Variants in CERS6 observed in about 807,000 individuals in gnomAD.
CERS6 encodes ceramide synthase 6.
In CERS6, 26 loss-of-function variants were observed where a neutral mutation model predicts 56.8. The observed-to-expected ratio is 0.46, with a 90% CI of 0.34 to 0.63. The LOEUF (loss-of-function observed/expected upper bound fraction) is 0.63. Among genes scored for constraint, CERS6 ranks in the 30% least tolerant of loss-of-function variants. The pLI is 0.01. For synonymous variants in CERS6, 164 were observed against 173.3 expected (o/e 0.95, Z 0.42); for missense variants, 415 against 467.5 (o/e 0.89, Z 1.04).
intron 4 of CERS6, among the ~76,000 whole-genome samples, chr2:168,655,445 A>G (rs1041869259): frequency 9.2e-5 from 14 of 152,224 alleles, no homozygotes; most frequent in Admixed American, 9.2e-4. Context: ...TCCTTGCAGT[A>G]TTATTTACAA....
At chr2:168,645,135 AT>A (rs1685155738) in intron 4 of CERS6, among the ~76,000 whole-genome samples, 1 of 45,170 alleles carries the variant, frequency 2.2e-5, no homozygotes, top group Non-Finnish European at 3.9e-5. Context: ...ATATATATAT[AT>A]ATATATAGAG....
intron 1 of CERS6, among the ~76,000 whole-genome samples, chr2:168,523,438 T>A (rs1266383551): frequency 6.6e-6 from 1 of 152,178 alleles, no homozygotes; most frequent in Non-Finnish European, 1.5e-5. Flanking sequence ...AGATGAATCA[T>A]AATTCAGAAT....
intron 1 of CERS6, among the ~76,000 whole-genome samples, chr2:168,474,166 T>C (rs954697703): frequency 6.6e-6 from 1 of 152,240 alleles, no homozygotes; most frequent in East Asian, 1.9e-4. Flanking sequence ...TTTTCCAATG[T>C]TGGTGAATGT....
At chr2:168,594,881 C>T (rs1683760899) in intron 3 of CERS6, among the ~76,000 whole-genome samples, 1 of 152,138 alleles carries the variant, frequency 6.6e-6, no homozygotes, top group Non-Finnish European at 1.5e-5. Flanking sequence ...TGTTTTTCCC[C>T]CAGCTAGACT....
chr2:168,633,243 ATTTC>A (rs1263268854), intron 4 of CERS6, among the ~76,000 whole-genome samples: 4 of 151,596 alleles, frequency 2.6e-5, no homozygotes, highest in African/African-American at 9.7e-5. Flanking sequence ...TTGTGTGGGA[ATTTC>A]TTTCTTTAAT....
At chr2:168,508,883 A>G (rs1339748742) in intron 1 of CERS6, among the ~76,000 whole-genome samples, 1 of 152,226 alleles carries the variant, frequency 6.6e-6, no homozygotes, top group Non-Finnish European at 1.5e-5. Context: ...AATTTTAAAA[A>G]GTATCTTAGT....
intron 4 of CERS6, among the ~76,000 whole-genome samples, chr2:168,656,719 C>T (rs937961866): frequency 2.0e-5 from 3 of 152,094 alleles, no homozygotes; most frequent in African/African-American, 7.2e-5. Flanking sequence ...AAGAACAAAG[C>T]TTCCACAGTG....
chr2:168,464,270 C>A (rs1174629560), intron 1 of CERS6, among the ~76,000 whole-genome samples: 1 of 150,852 alleles, frequency 6.6e-6, no homozygotes, highest in Non-Finnish European at 1.5e-5. Flanking sequence ...TCAGCTACTG[C>A]AACCTCTGAC....
intron 3 of CERS6, among the ~76,000 whole-genome samples, chr2:168,575,590 A>G (rs956897353): frequency 6.6e-5 from 10 of 152,168 alleles, no homozygotes; most frequent in Admixed American, 6.5e-4. Context: ...GAGCCAAACC[A>G]TATCACCTTG....
intron 1 of CERS6, among the ~76,000 whole-genome samples, chr2:168,493,495 T>C (rs1694410428): frequency 6.6e-6 from 1 of 152,202 alleles, no homozygotes; most frequent in Admixed American, 6.5e-5. Flanking sequence ...CACTGCGCTC[T>C]ATAAAAGGCA....
chr2:168,672,879 T>C (rs1415243440), intron 4 of CERS6, among the ~76,000 whole-genome samples: 2 of 152,214 alleles, frequency 1.3e-5, no homozygotes, highest in Non-Finnish European at 2.9e-5. Flanking sequence ...ACAAGCTTGA[T>C]TAAAATCAGA....
At chr2:168,710,220 A>G (rs772323040) in intron 6 of CERS6, among the ~76,000 whole-genome samples, 4 of 152,244 alleles carry the variant, frequency 2.6e-5, no homozygotes, top group Admixed American at 6.5e-5. Flanking sequence ...CTGATGTTAT[A>G]TCAGATACAT....
At chr2:168,506,078 G>A (rs1189215373) in intron 1 of CERS6, among the ~76,000 whole-genome samples, 1 of 152,134 alleles carries the variant, frequency 6.6e-6, no homozygotes, top group Non-Finnish European at 1.5e-5. Context: ...TTCTTTTTGA[G>A]AGGCGATCAG....
At chr2:168,754,378 A>AT (rs1300869202) in intron 8 of CERS6, among the ~76,000 whole-genome samples, 1 of 152,140 alleles carries the variant, frequency 6.6e-6, no homozygotes, top group Non-Finnish European at 1.5e-5. Context: ...GTTTTCAGAA[A>AT]TTTTTTCAGA....
intron 3 of CERS6, among the ~76,000 whole-genome samples, chr2:168,598,821 T>C (rs1031739313): frequency 6.6e-6 from 1 of 152,224 alleles, no homozygotes; most frequent in African/African-American, 2.4e-5. Flanking sequence ...ATGAACATTT[T>C]CTTTTTAGAA....
chr2:168,635,820 T>A (rs1684848854), intron 4 of CERS6, among the ~76,000 whole-genome samples: 2 of 152,298 alleles, frequency 1.3e-5, no homozygotes, highest in East Asian at 3.9e-4. Context: ...AGCCTTTCAT[T>A]CTTCATGCGG....
intron 8 of CERS6, among the ~76,000 whole-genome samples, chr2:168,727,525 G>A (rs1683385325): frequency 6.7e-6 from 1 of 149,570 alleles, no homozygotes; most frequent in Admixed American, 6.6e-5. Flanking sequence ...CTCCTGCCTG[G>A]AGACAGAGCG....
intron 3 of CERS6, among the ~76,000 whole-genome samples, chr2:168,603,816 C>G (rs1559016691): frequency 6.6e-6 from 1 of 152,158 alleles, no homozygotes; most frequent in African/African-American, 2.4e-5. Context: ...GCTGAGGAGC[C>G]CCTTGGTCCT....
intron 4 of CERS6, among the ~76,000 whole-genome samples, chr2:168,664,389 A>G (rs1012249254): frequency 1.3e-5 from 2 of 152,184 alleles, no homozygotes; most frequent in African/African-American, 4.8e-5. Flanking sequence ...GGGTTACAAA[A>G]AAGGGGTCCC....
Sources: allele counts gnomAD v4.1 joint callset (sites outside exome capture counted in the v4.1 genomes callset), GRCh38; gene constraint gnomAD v4.1.1; transcripts MANE v1.5; gene names NCBI Gene and HGNC (gene_info 2026-07-23, HGNC 2026-07-21).